Variants in MAL2 observed in about 807,000 individuals in gnomAD.
MAL2 encodes protein MAL2.
MAL2 carries 17 observed loss-of-function variants against 18.1 expected under a neutral mutation model. The ratio of observed to expected loss-of-function variants is 0.94; its 90% CI spans 0.64 to 1.41. The LOEUF (loss-of-function observed/expected upper bound fraction) is 1.41. Among genes scored for constraint, MAL2 ranks in the 40% most tolerant of loss-of-function variants. The probability of loss-of-function intolerance (pLI) is 0.00; values close to 1 mark genes in which losing one functional copy is unlikely to be tolerated. For missense variants in MAL2, 222 were observed against 231.9 expected (o/e 0.96, Z 0.28); for synonymous variants, 102 against 102.3 (o/e 1.00, Z 0.02).
At chr8:119,217,795 C>T (rs1240977136) in intron 1 of MAL2, among the ~76,000 whole-genome samples, 1 of 152,102 alleles carries the variant, frequency 6.6e-6, no homozygotes, top group Non-Finnish European at 1.5e-5. Flanking sequence ...AATATGGCCA[C>T]CTCCAGAGTC....
Position 119,226,702 on chromosome 8 carries a change from G to C in MAL2, c.303+4945G>C, listed in dbSNP as rs1247623251. Among the ~76,000 whole-genome samples the C allele has an allele frequency of 2.0e-5, 3 of 152,180 alleles. No individual in the cohort carries two copies. The East Asian group carries it at 5.8e-4, about 29-fold the overall frequency. ...TAATAAGTGGAGGCCAGGGGCCTAG[G>C]GCAGAGATTTACAAATGGTGGTCCT... is the stretch of plus-strand genomic sequence containing the variant. On this transcript the variant is annotated intron_variant, in intron 2 of 3. Coordinates refer to ENST00000614891, the MANE Select transcript of MAL2 (RefSeq NM_052886.3).
Position 119,240,297 on chromosome 8 carries a change from T to C in MAL2, c.436T>C (p.Tyr146His), listed in dbSNP as rs374474558. ...GCAGCCACTCCTGAGTGATAACCAG[T>C]ATAACATAAACGTAGCAGCCTCAGT... Reference protein sequence around the residue: ...TGQPLLSDNQYNINVAASIFA... With the variant: ...TGQPLLSDNQHNINVAASIFA... The change falls in exon 3 of 4, where the codon TAT (tyrosine) becomes CAT (histidine). Residue 146 changes from tyrosine to histidine, a missense_variant. By Grantham distance (83) the Tyr-to-His change is moderately conservative. Transcript: ENST00000614891. 1.2e-6 allele frequency: 2 copies of C among 1,613,430 alleles called. No individual in the cohort carries two copies. Among genetic ancestry groups the C allele is most frequent in the African/African-American group, 1.3e-5 (1 of 74,910 alleles).
At chr8:119,216,689 ATAGAAT>A (rs1817361329) in intron 1 of MAL2, among the ~76,000 whole-genome samples, 1 of 152,204 alleles carries the variant, frequency 6.6e-6, no homozygotes, top group Non-Finnish European at 1.5e-5. Flanking sequence ...TATATAGATA[ATAGAAT>A]TAGAAGGAGG....
chr8:119,244,602 T>C lies in MAL2; in HGVS notation c.*1114T>C, dbSNP rs1286100228. The C allele has an allele frequency of 9.9e-6, 1 of 101,096 alleles. No individual in the cohort carries two copies. The highest frequency in any genetic ancestry group is 2.1e-5 in the Non-Finnish European group (1 of 48,318). 6.3% of individuals were successfully genotyped at this position (101,096 alleles called of 1,614,324 possible). A position where few individuals can be genotyped will look rare whatever the true frequency, so the allele number is the denominator to read the frequency against. ...TTCCAAATAGAGCTCTCAGAAGAAT[T>C]AAGTTTTTACTTCTAATTATTTTGC... On this transcript the variant is annotated 3_prime_UTR_variant, in exon 4 of 4. Coordinates refer to ENST00000614891, the MANE Select transcript of MAL2 (RefSeq NM_052886.3).
At chr8:119,231,116 C>T (rs1478380046) in intron 2 of MAL2, among the ~76,000 whole-genome samples, 1 of 152,084 alleles carries the variant, frequency 6.6e-6, no homozygotes, top group African/African-American at 2.4e-5. Flanking sequence ...ACTGCAAGCT[C>T]CACCTCCCAG....
At chr8:119,235,629 G>A (rs1817870804) in intron 2 of MAL2, among the ~76,000 whole-genome samples, 3 of 151,962 alleles carry the variant, frequency 2.0e-5, no homozygotes, top group Admixed American at 2.0e-4. Context: ...CCAGAAGAGA[G>A]TGGGGGCCAA....
intron 1 of MAL2, among the ~76,000 whole-genome samples, chr8:119,215,821 T>C (rs925643002): frequency 1.2e-3 from 178 of 152,096 alleles, no homozygotes; most frequent in African/African-American, 4.2e-3. Context: ...GGGGCAGCAG[T>C]ATGCCTTGTA....
intron 1 of MAL2, among the ~76,000 whole-genome samples, chr8:119,218,660 G>C (rs532610762): frequency 6.6e-5 from 10 of 152,104 alleles, no homozygotes; most frequent in Non-Finnish European, 1.3e-4. Context: ...TTCTTCTATA[G>C]TACCTAGCAG....
chr8:119,216,032 T>C (rs753513454), intron 1 of MAL2, among the ~76,000 whole-genome samples: 11 of 152,170 alleles, frequency 7.2e-5, no homozygotes, highest in Non-Finnish European at 8.8e-5. Context: ...TTTCTGAATA[T>C]ACTGAACACT....
chr8:119,208,405 C>A lies in MAL2; in HGVS notation c.-68C>A. ...AGCTGAGCGGCGGCGGCGGCGGCGG[C>A]AGGAGCCCGGGAGGCGGAGGCGGGA... On this transcript the variant is annotated 5_prime_UTR_variant, in exon 1 of 4. Transcript: ENST00000614891. The surrounding 1 kb of genome is among the most constrained non-coding windows in gnomAD (Gnocchi z 4.3). 3.2e-6 allele frequency: 3 copies of A among 926,964 alleles called. No individual in the cohort carries two copies. The highest frequency in any genetic ancestry group is 3.9e-6 in the Non-Finnish European group (3 of 762,182). 57.4% of individuals were successfully genotyped at this position (926,964 alleles called of 1,614,324 possible).
chr8:119,240,611 T>C (rs1391548709), intron 3 of MAL2, among the ~76,000 whole-genome samples: 2 of 152,204 alleles, frequency 1.3e-5, no homozygotes, highest in African/African-American at 2.4e-5. Context: ...AAAAGAGTTG[T>C]GTTTTTTGCT....
In MAL2 at chr8:119,208,873, T is replaced by C. The variant is rs972722695; in HGVS notation, c.132+269T>C. 3 of 326,122 alleles carry C rather than the reference T, an allele frequency of 9.2e-6. No individual in the cohort carries two copies. Among genetic ancestry groups the C allele is most frequent in the Admixed American group, 1.0e-4 (2 of 19,232 alleles). The allele number at this position is 326,122 out of a possible 1,614,324, so 20.2% of individuals were successfully genotyped here. On this transcript the variant is annotated intron_variant, in intron 1 of 3. Coordinates refer to ENST00000614891, the MANE Select transcript of MAL2 (RefSeq NM_052886.3). The surrounding 1 kb of genome is among the most constrained non-coding windows in gnomAD (Gnocchi z 4.3). ...GTAGGCGGCCCGGCAGGGCCGAACA[T>C]TGGGGACGTGGAGGAAAGAAAGGTG...
rs1339724591 is a variant in MAL2, at chr8:119,208,726, T to A, written c.132+122T>A. On this transcript the variant is annotated intron_variant, in intron 1 of 3. Coordinates refer to ENST00000614891, the MANE Select transcript of MAL2 (RefSeq NM_052886.3). The surrounding 1 kb of genome is among the most constrained non-coding windows in gnomAD (Gnocchi z 4.3). ...CCTCCTTCCCTTCGACGTGGCTTTG[T>A]CCTGCGCTCCCTCCCGGGGTCCTCT... 1 of 1,209,630 alleles carries A rather than the reference T, an allele frequency of 8.3e-7. No individual in the cohort carries two copies. Among genetic ancestry groups the A allele is most frequent in the African/African-American group, 1.6e-5 (1 of 63,090 alleles). The allele number at this position is 1,209,630 out of a possible 1,614,324, so 74.9% of individuals were successfully genotyped here.
chr8:119,231,268 A>C (rs1482011528), intron 2 of MAL2, among the ~76,000 whole-genome samples: 1 of 152,080 alleles, frequency 6.6e-6, no homozygotes, highest in Non-Finnish European at 1.5e-5. Context: ...TCCTGACCTC[A>C]TGATCCGCCC....
intron 1 of MAL2, among the ~76,000 whole-genome samples, chr8:119,212,842 A>T (rs1254018887): frequency 1.3e-5 from 2 of 152,126 alleles, no homozygotes; most frequent in Admixed American, 6.5e-5. Context: ...AAAAGGAAAA[A>T]CAGCAGGTAG....
chr8:119,244,156 T>A lies in MAL2; in HGVS notation c.*668T>A, dbSNP rs1366002392. On this transcript the variant is annotated 3_prime_UTR_variant, in exon 4 of 4. Coordinates refer to ENST00000614891, the MANE Select transcript of MAL2 (RefSeq NM_052886.3). ...CCACTGGTGTAAAACCTTAGTTATA[T>A]ATGATCTGCATTTTCTTGAACTGAT... The A allele has an allele frequency of 6.6e-6, 1 of 152,210 alleles. No individual in the cohort carries two copies. The highest frequency in any genetic ancestry group is 1.9e-4 in the East Asian group (1 of 5,202). The allele number at this position is 152,210 out of a possible 1,614,324, so 9.4% of individuals were successfully genotyped here.
At chr8:119,235,749 G>C (rs371775756) in intron 2 of MAL2, among the ~76,000 whole-genome samples, 2 of 145,930 alleles carry the variant, frequency 1.4e-5, no homozygotes, top group Non-Finnish European at 3.0e-5. Context: ...ATGCTGAGAG[G>C]TTTTGTCACC....
Position 119,242,235 on chromosome 8 carries a change from G to A in MAL2, c.460-1182G>A, listed in dbSNP as rs187487504. Among the ~76,000 whole-genome samples, 742 of 152,198 alleles carry A rather than the reference G, an allele frequency of 4.9e-3. 3 individuals are homozygous for A. The highest frequency in any genetic ancestry group is 0.017 in the African/African-American group (724 of 41,532). ...GATGGTTGTCTGAGGTCTTTAATTT[G>A]TCACCTTTGTCCTAAGGGCCTAGTT... On this transcript the variant is annotated intron_variant, in intron 3 of 3. Transcript: ENST00000614891.
At chr8:119,236,975 A>G (rs1817915364) in intron 2 of MAL2, among the ~76,000 whole-genome samples, 1 of 151,426 alleles carries the variant, frequency 6.6e-6, no homozygotes, top group Admixed American at 6.6e-5. Context: ...AGACACAAAA[A>G]ACCCTTCAAA....
Sources: gnomAD v4.1 joint callset for allele counts (sites outside exome capture counted in the v4.1 genomes callset) on GRCh38, gnomAD v4.1.1 for gene constraint, Gnocchi (gnomAD v3.1) non-coding constraint, MANE v1.5 for transcripts, NCBI Gene and HGNC (gene_info 2026-07-23, HGNC 2026-07-21) for gene names.